WWTR1: variants seen among roughly 807,000 people sequenced by gnomAD.
WWTR1 encodes WW domain containing transcription regulator 1, also known as WW domain-containing transcription regulator protein 1.
Under a neutral mutation model 40.1 loss-of-function variants are expected in WWTR1, and 13 were observed. The observed-to-expected ratio is 0.32, with a 90% CI of 0.21 to 0.52. The LOEUF (loss-of-function observed/expected upper bound fraction) is 0.52, where lower values mean the gene tolerates loss of function less well. Among genes scored for constraint, WWTR1 ranks in the 20% least tolerant of loss-of-function variants. WWTR1 has a pLI of 0.97. For synonymous variants in WWTR1, 230 were observed against 210.1 expected, an observed-to-expected ratio of 1.09 and a Z score of -0.82; for missense variants, 436 against 523.1, an observed-to-expected ratio of 0.83 and a Z score of 1.63.
rs373867602 is a variant in WWTR1 at position 149,585,692 on chromosome 3, T to C, written c.432-12692A>G. Among the ~76,000 whole-genome samples, 65 of 152,256 alleles carry C rather than the reference T, an allele frequency of 4.3e-4. No individual in the cohort carries two copies. In the South Asian group the frequency reaches 0.013, roughly 30 times the overall value. Reference sequence around the variant, plus strand: ...ATGAGCATCTCATGTCAGCACAAGATTTTCTCTCCCATTTAAAGTAGAAAG... The same window carrying C: ...ATGAGCATCTCATGTCAGCACAAGACTTTCTCTCCCATTTAAAGTAGAAAG... On this transcript the variant is annotated intron_variant, in intron 2 of 6. Coordinates refer to ENST00000360632, the MANE Select transcript of WWTR1 (RefSeq NM_015472.6).
At chr3:149,683,045 A>G (rs999567902) in intron 1 of WWTR1, among the ~76,000 whole-genome samples, 1 of 152,192 alleles carries the variant, frequency 6.6e-6, no homozygotes. Context: ...GGATAGCTCT[A>G]TATTAGCTGA....
chr3:149,615,321 C>T (rs1417220900), intron 2 of WWTR1, among the ~76,000 whole-genome samples: 1 of 152,170 alleles, frequency 6.6e-6, no homozygotes, highest in Non-Finnish European at 1.5e-5. Flanking sequence ...CTCTTAAAAA[C>T]TCTCTATACA....
At chr3:149,606,247 G>A (rs193114208) in intron 2 of WWTR1, among the ~76,000 whole-genome samples, 4 of 152,292 alleles carry the variant, frequency 2.6e-5, no homozygotes, top group Admixed American at 2.0e-4. Context: ...TGGACAGACT[G>A]AGAAACATAC....
chr3:149,529,129 G>A (rs1009390295), intron 4 of WWTR1, among the ~76,000 whole-genome samples: 1 of 152,168 alleles, frequency 6.6e-6, no homozygotes, highest in African/African-American at 2.4e-5. Context: ...CCCAAACCAA[G>A]GTTAGGCCTT....
At chr3:149,538,104 G>C (rs1346731418) in intron 4 of WWTR1, among the ~76,000 whole-genome samples, 1 of 151,962 alleles carries the variant, frequency 6.6e-6, no homozygotes, top group Non-Finnish European at 1.5e-5. Context: ...ATTTTTACTA[G>C]AGACAGGGTT....
chr3:149,574,841 T>G (rs1335479241), intron 2 of WWTR1, among the ~76,000 whole-genome samples: 1 of 147,858 alleles, frequency 6.8e-6, no homozygotes, highest in Admixed American at 6.8e-5. Context: ...ACGCCTCTAA[T>G]CCCAGCACTT....
Position 149,542,364 on chromosome 3 carries a change from G to T in WWTR1, c.742C>A (p.Arg248=), listed in dbSNP as rs1307297959. ...QRIQMERERI[R]MRQEELMRQE... is the part of the protein sequence containing the mutation. ...CTCATGAGCTCCTCTTGGCGCATTC[G>T]AATCCTTTCTCTCTCCATCTGGATT... is the stretch of plus-strand genomic sequence containing the variant. The change falls in exon 4 of 7, where the codon CGA becomes AGA. Residue 248 remains arginine, a synonymous_variant. Coordinates refer to ENST00000360632, the MANE Select transcript of WWTR1 (RefSeq NM_015472.6). 1.2e-6 allele frequency: 2 copies of T among 1,613,796 alleles called. No homozygotes were observed. The highest frequency in any genetic ancestry group is 1.7e-6 in the Non-Finnish European group (2 of 1,179,910).
At chr3:149,656,483 TTC>T (rs1173812799) in intron 2 of WWTR1, among the ~76,000 whole-genome samples, 29 of 152,198 alleles carry the variant, frequency 1.9e-4, no homozygotes, top group African/African-American at 7.0e-4. Flanking sequence ...TTCACAGCTT[TTC>T]TCTGATTTAT....
At chr3:149,638,355 T>A (rs1300947241) in intron 2 of WWTR1, among the ~76,000 whole-genome samples, 3 of 152,132 alleles carry the variant, frequency 2.0e-5, no homozygotes, top group South Asian at 2.1e-4. Context: ...AAAAAATCAC[T>A]GCTGTATGTA....
chr3:149,678,842 G>A (rs79644603), intron 1 of WWTR1, among the ~76,000 whole-genome samples: 1 of 91,548 alleles, frequency 1.1e-5, no homozygotes, highest in African/African-American at 4.0e-5. Flanking sequence ...TTTTTTTTTT[G>A]ATGGAGTTTC....
At chr3:149,551,404 T>TTAA (rs762715316) in intron 3 of WWTR1, among the ~76,000 whole-genome samples, 1 of 145,448 alleles carries the variant, frequency 6.9e-6, no homozygotes, top group Non-Finnish European at 1.5e-5. Context: ...ATACACTGGG[T>TTAA]AATACACTTG....
At chr3:149,665,227 C>CTTTTTTTTTTT (rs11398199) in intron 2 of WWTR1, among the ~76,000 whole-genome samples, 5 of 128,246 alleles carry the variant, frequency 3.9e-5, no homozygotes, top group Admixed American at 8.4e-5. Flanking sequence ...TCCTTTCTTT[C>CTTTTTTTTTTT]TTTTTTTTTT....
rs1734833834 is a variant in WWTR1 at position 149,517,360 on chromosome 3, A to G, written c.*3445T>C. ...ATACTTTCGGTACGTATAACATTCT[A>G]AACTTAAAATAGAAATTTTTATATT... is the stretch of plus-strand genomic sequence containing the variant. On this transcript the variant is annotated 3_prime_UTR_variant, in exon 7 of 7. Transcript: ENST00000360632. The G allele has an allele frequency of 6.6e-6, 1 of 152,248 alleles. No homozygotes were observed. The highest frequency in any genetic ancestry group is 2.1e-4 in the South Asian group (1 of 4,836). 9.4% of individuals were successfully genotyped at this position (152,248 alleles called of 1,614,324 possible).
chr3:149,534,107 T>C (rs948408060), intron 4 of WWTR1, among the ~76,000 whole-genome samples: 3 of 151,852 alleles, frequency 2.0e-5, no homozygotes, highest in African/African-American at 7.3e-5. Context: ...GAGGCGGAGG[T>C]TGCAGTGAGC....
At position 149,723,769 on chromosome 3, in the gene WWTR1, C is replaced by T. The variant is rs889776238; in HGVS notation, n.459+311G>A. ...CATTTCATCCAGAGATGGAGGGACT[C>T]GCAACAATGGGGTAAAGTGCAACAA... On this transcript the variant is annotated intron_variant and non_coding_transcript_variant, in intron 4 of 6. Transcript: ENST00000474080. Among the ~76,000 whole-genome samples the T allele has an allele frequency of 9.9e-5, 15 of 152,152 alleles. No homozygotes were observed. In the East Asian group the frequency reaches 2.3e-3, roughly 23 times the overall value.
chr3:149,628,102 G>A (rs1740662705), intron 2 of WWTR1, among the ~76,000 whole-genome samples: 2 of 150,376 alleles, frequency 1.3e-5, no homozygotes, highest in South Asian at 4.2e-4. Flanking sequence ...CAGGCGAGGT[G>A]GCTCACGCCT....
At chr3:149,599,487 T>A (rs560905244) in intron 2 of WWTR1, among the ~76,000 whole-genome samples, 1 of 152,338 alleles carries the variant, frequency 6.6e-6, no homozygotes, top group South Asian at 2.1e-4. Context: ...GAGTAAGTCT[T>A]TGCGCAAGCA....
intron 4 of WWTR1, among the ~76,000 whole-genome samples, 188 bp downstream of exon 4, chr3:149,542,147 C>T (rs761010631): frequency 2.0e-5 from 3 of 152,160 alleles, no homozygotes; most frequent in South Asian, 2.1e-4. Flanking sequence ...CCTTAAGCTT[C>T]GTTCTGAAAA....
chr3:149,590,417 A>C (rs985389593), intron 2 of WWTR1, among the ~76,000 whole-genome samples: 1 of 152,186 alleles, frequency 6.6e-6, no homozygotes, highest in Non-Finnish European at 1.5e-5. Flanking sequence ...TGGGAGGCCG[A>C]GGCAGGCGGG....
Sources: gnomAD v4.1 joint callset for allele counts (sites outside exome capture counted in the v4.1 genomes callset) on GRCh38, gnomAD v4.1.1 for gene constraint, MANE v1.5 for transcripts, NCBI Gene and HGNC (gene_info 2026-07-23, HGNC 2026-07-21) for gene names.